TENM3: variants seen among roughly 807,000 people sequenced by gnomAD.
The protein encoded by TENM3 is teneurin transmembrane protein 3, also known as teneurin-3.
Under a neutral mutation model 255.1 loss-of-function variants are expected in TENM3, and 63 were observed. The observed-to-expected ratio is 0.25, with a 90% confidence interval of 0.20 to 0.30. The LOEUF (loss-of-function observed/expected upper bound fraction) is 0.30, where lower values mean the gene tolerates loss of function less well. TENM3 is among the 10% of genes least tolerant of loss of function. TENM3 has a pLI of 1.00. For missense variants in TENM3, 2,929 were observed against 3,461.1 expected, an observed-to-expected ratio of 0.85 and a Z score of 3.86; for synonymous variants, 1,306 against 1,322.3, an observed-to-expected ratio of 0.99 and a Z score of 0.27.
the TENM3 span, among the ~76,000 whole-genome samples, chr4:181,802,407 G>T: frequency 2.0e-5 from 3 of 152,140 alleles, no homozygotes; most frequent in Non-Finnish European, 4.4e-5. Context: ...GTTCATAGAA[G>T]ACTTTGTAAC....
At chr4:181,564,932 A>C in the TENM3 span, among the ~76,000 whole-genome samples, 564 of 152,154 alleles carry the variant, frequency 3.7e-3, 3 homozygotes, top group Non-Finnish European at 6.2e-3. Context: ...CTGTTCTCTC[A>C]TTGAAGGAGC....
the TENM3 span, among the ~76,000 whole-genome samples, chr4:181,718,999 G>A: frequency 1.3e-5 from 2 of 151,866 alleles, no homozygotes; most frequent in Non-Finnish European, 2.9e-5. Flanking sequence ...GAGGTCAGGA[G>A]ATCGAGACCA....
intron 1 of TENM3, among the ~76,000 whole-genome samples, chr4:182,309,871 C>A (rs1250094707): frequency 6.6e-6 from 1 of 152,192 alleles, no homozygotes; most frequent in Non-Finnish European, 1.5e-5. Context: ...ATTATAGTAG[C>A]TGCCCTTTAT....
chr4:182,753,508 A>C lies in TENM3; in HGVS notation c.3921A>C (p.Lys1307Asn). 6.2e-7 allele frequency: 1 copy of C among 1,614,004 alleles called. No individual in the cohort carries two copies. Among genetic ancestry groups the C allele is most frequent in the Non-Finnish European group, 8.5e-7 (1 of 1,179,858 alleles). The change falls in exon 21 of 28, where the codon AAA becomes AAC. Residue 1307 changes from lysine to asparagine, a missense_variant. Coordinates refer to ENST00000511685, the MANE Select transcript of TENM3 (RefSeq NM_001080477.4). ...TTGTTGATGGAACCATGATTAGGAA[A>C]GTTGACCAAAATGGAATCATATCAA... ...IYFVDGTMIR[K>N]VDQNGIISTL... is the part of the protein sequence containing the mutation.
At chr4:182,210,700 T>C (rs1286324648) in intron 1 of TENM3, among the ~76,000 whole-genome samples, 1 of 151,022 alleles carries the variant, frequency 6.6e-6, no homozygotes, top group Non-Finnish European at 1.5e-5. Context: ...CTACTGAGGC[T>C]TCCGATGCCC....
chr4:182,056,517 C>T, the TENM3 span, among the ~76,000 whole-genome samples: 1 of 152,144 alleles, frequency 6.6e-6, no homozygotes, highest in African/African-American at 2.4e-5. Context: ...CCTCTGAGAG[C>T]AAACTGAAGT....
chr4:182,666,978 G>T (rs762728799), intron 6 of TENM3, among the ~76,000 whole-genome samples: 5 of 152,116 alleles, frequency 3.3e-5, no homozygotes, highest in African/African-American at 9.7e-5. Context: ...ATATGCACTG[G>T]TAAACCAAAA....
intron 22 of TENM3, among the ~76,000 whole-genome samples, chr4:182,764,840 A>T (rs115251426): frequency 6.6e-6 from 1 of 152,196 alleles, no homozygotes; most frequent in Non-Finnish European, 1.5e-5. Flanking sequence ...AGGGACAGCA[A>T]CATAGCCAAT....
chr4:181,589,299 A>G, the TENM3 span, among the ~76,000 whole-genome samples: 1 of 152,174 alleles, frequency 6.6e-6, no homozygotes, highest in Non-Finnish European at 1.5e-5. Context: ...TTCTGACTCT[A>G]TGTCGTTTTT....
At chr4:182,381,712 C>A (rs944982174) in intron 3 of TENM3, among the ~76,000 whole-genome samples, 5 of 152,094 alleles carry the variant, frequency 3.3e-5, no homozygotes, top group Non-Finnish European at 5.9e-5. Flanking sequence ...CGGGCCTGCA[C>A]CACCACGCCC....
chr4:182,767,611 A>C (rs1763828309), intron 22 of TENM3, among the ~76,000 whole-genome samples: 1 of 145,130 alleles, frequency 6.9e-6, no homozygotes, highest in Non-Finnish European at 1.5e-5. Flanking sequence ...TGTATATTAC[A>C]TACACACGTA....
At chr4:182,753,733 C>G in intron 21 of TENM3, 129 bp downstream of exon 21, 7 of 730,320 alleles carry the variant, frequency 9.6e-6, no homozygotes, top group Non-Finnish European at 1.3e-5. Context: ...TAGGGCAGTT[C>G]CATTTACATG....
chr4:182,093,070 C>T, the TENM3 span, among the ~76,000 whole-genome samples: 2 of 152,108 alleles, frequency 1.3e-5, no homozygotes, highest in Admixed American at 6.5e-5. Flanking sequence ...TTAAGTAAAC[C>T]AAAATCTCCC....
At chr4:181,792,257 G>A in the TENM3 span, among the ~76,000 whole-genome samples, 8 of 152,254 alleles carry the variant, frequency 5.3e-5, no homozygotes, top group African/African-American at 1.2e-4. Context: ...AAAATATCTC[G>A]ACTGCTTGTA....
intron 6 of TENM3, among the ~76,000 whole-genome samples, chr4:182,665,299 T>C (rs1754575532): frequency 6.6e-6 from 1 of 152,190 alleles, no homozygotes; most frequent in Non-Finnish European, 1.5e-5. Context: ...ACAACGTGGC[T>C]ACTAAATATT....
chr4:182,130,213 G>T, the TENM3 span, among the ~76,000 whole-genome samples: 1 of 152,026 alleles, frequency 6.6e-6, no homozygotes, highest in Non-Finnish European at 1.5e-5. Flanking sequence ...TCGAGTTAAA[G>T]AAATTATGAC....
chr4:182,100,966 C>G, the TENM3 span, among the ~76,000 whole-genome samples: 1 of 141,314 alleles, frequency 7.1e-6, no homozygotes, highest in African/African-American at 2.6e-5. Flanking sequence ...ATCCCTTGAG[C>G]CCTGGGAGGT....
chr4:181,788,687 C>T, the TENM3 span, among the ~76,000 whole-genome samples: 1 of 152,128 alleles, frequency 6.6e-6, no homozygotes, highest in African/African-American at 2.4e-5. Flanking sequence ...AGCCTGGAAT[C>T]GCTCGAGCGA....
intron 1 of TENM3, among the ~76,000 whole-genome samples, chr4:182,206,632 C>T (rs550883123): frequency 2.6e-5 from 4 of 152,292 alleles, no homozygotes; most frequent in Admixed American, 6.5e-5. Flanking sequence ...GAGAACCTTT[C>T]GTGTTTTGTG....
Sources: allele counts gnomAD v4.1 joint callset (sites outside exome capture counted in the v4.1 genomes callset), GRCh38; gene constraint gnomAD v4.1.1; transcripts MANE v1.5; gene names NCBI Gene and HGNC (gene_info 2026-07-23, HGNC 2026-07-21).